PHF20L1: variants seen among roughly 807,000 people sequenced by gnomAD.
PHF20L1 encodes the protein PHD finger protein 20 like 1, also known as PHD finger protein 20-like protein 1.
In PHF20L1, 44 loss-of-function variants were observed where a neutral mutation model predicts 125.5. The ratio of observed to expected loss-of-function variants is 0.35; its 90% confidence interval spans 0.28 to 0.45. The LOEUF is 0.45. PHF20L1 is among the 20% of genes least tolerant of loss of function. PHF20L1 has a pLI of 1.00. For missense variants in PHF20L1, 1,012 were observed against 1,217.2 expected, an observed-to-expected ratio of 0.83 and a Z score of 2.51; for synonymous variants, 380 against 403.1, an observed-to-expected ratio of 0.94 and a Z score of 0.69.
Position 132,846,171 on chromosome 8 carries a change from T to A in PHF20L1, c.*248T>A. 1 of 382,154 alleles carries A rather than the reference T, an allele frequency of 2.6e-6. No individual in the cohort carries two copies. Among genetic ancestry groups the A allele is most frequent in the Non-Finnish European group, 4.8e-6 (1 of 208,552 alleles). 23.7% of individuals were successfully genotyped at this position (382,154 alleles called of 1,614,324 possible). A position where few individuals can be genotyped will look rare whatever the true frequency, so the allele number is the denominator to read the frequency against. On this transcript the variant is annotated 3_prime_UTR_variant, in exon 21 of 21. Transcript: ENST00000395386. Reference sequence around the variant, plus strand: ...TGTTATATGCCAAGGAACAATGAAGTAGAATATAATGTATACTAAGGGATT... The same window carrying A: ...TGTTATATGCCAAGGAACAATGAAGAAGAATATAATGTATACTAAGGGATT...
intron 8 of PHF20L1, chr8:132,810,159 C>T (rs1235863323): frequency 1.3e-5 from 2 of 151,802 alleles, no homozygotes; most frequent in African/African-American, 4.8e-5. Context: ...ATTCTCCTGC[C>T]TCAGCCTCCC....
intron 18 of PHF20L1, chr8:132,841,849 A>G (rs1181186090): frequency 6.6e-6 from 1 of 152,140 alleles, no homozygotes; most frequent in Non-Finnish European, 1.5e-5. Flanking sequence ...AGGTACACAA[A>G]CATATAATGG....
At chr8:132,826,220 G>C (rs984591781) in intron 14 of PHF20L1, 3 of 152,068 alleles carry the variant, frequency 2.0e-5, no homozygotes, top group African/African-American at 7.2e-5. Context: ...CAGAAAATTA[G>C]ATGAAACGCA....
chr8:132,829,804 T>C (rs1363911062), intron 14 of PHF20L1, among the ~76,000 whole-genome samples: 1 of 152,120 alleles, frequency 6.6e-6, no homozygotes, highest in East Asian at 1.9e-4. Context: ...GGCAATTTGC[T>C]TCATCTGTCT....
chr8:132,780,047 A>G (rs973282788), intron 2 of PHF20L1, among the ~76,000 whole-genome samples: 3 of 151,882 alleles, frequency 2.0e-5, no homozygotes, highest in Non-Finnish European at 4.4e-5. Flanking sequence ...GCTGATTTAT[A>G]TAAAGATTTT....
intron 15 of PHF20L1, among the ~76,000 whole-genome samples, chr8:132,832,985 T>C (rs1836939705): frequency 6.6e-6 from 1 of 152,058 alleles, no homozygotes; most frequent in African/African-American, 2.4e-5. Flanking sequence ...AGTTCAAATC[T>C]GTTAGACTTT....
chr8:132,837,890 C>G, intron 17 of PHF20L1, 79 bp downstream of exon 17: 1 of 945,084 alleles, frequency 1.1e-6, no homozygotes, highest in Non-Finnish European at 1.7e-6. Context: ...CAGCTGTGTT[C>G]ACCACCACTA....
chr8:132,790,634 A>G (rs1035288900), intron 2 of PHF20L1, among the ~76,000 whole-genome samples: 19 of 152,182 alleles, frequency 1.2e-4, no homozygotes, highest in African/African-American at 4.6e-4. Flanking sequence ...TGCTCCTCCA[A>G]TCTCTGAACA....
At position 132,779,160 on chromosome 8, in the gene PHF20L1, T is replaced by G. The variant is rs561160614; in HGVS notation, c.83+1249T>G. Among the ~76,000 whole-genome samples the G allele has an allele frequency of 2.0e-5, 3 of 152,244 alleles. No homozygotes were observed. The East Asian group carries it at 5.8e-4, about 29-fold the overall frequency. On this transcript the variant is annotated intron_variant, in intron 2 of 20. Coordinates refer to ENST00000395386, the MANE Select transcript of PHF20L1 (RefSeq NM_016018.5). The stretch of plus-strand genomic sequence containing the variant: ...GACAGTTTGAAGCTACAATTTGAGA[T>G]GGGGAGGTTAATCGATACTGTCACT...
chr8:132,844,317 T>C lies in PHF20L1; in HGVS notation c.2910T>C (p.Asp970=). The change falls in exon 20 of 21, where the codon GAT becomes GAC. Residue 970 remains aspartate, a splice_region_variant and synonymous_variant. Transcript: ENST00000395386. ...SRMDLIEKEV[D]VLESWLDFTG... ...TGGACCTAATAGAAAAAGAAGTCGA[T>C]GGTAATTTAAGAAAGAACTAAAATA... The C allele has an allele frequency of 6.2e-7, 1 of 1,601,076 alleles. No individual in the cohort carries two copies. Among genetic ancestry groups the C allele is most frequent in the South Asian group, 1.1e-5 (1 of 89,554 alleles).
In PHF20L1 at chr8:132,824,011, GA is replaced by G; in HGVS notation, c.1591del (p.Thr531GlnfsTer5). The G allele has an allele frequency of 6.3e-7, 1 of 1,591,812 alleles. No individual in the cohort carries two copies. The highest frequency in any genetic ancestry group is 8.6e-7 in the Non-Finnish European group (1 of 1,164,226). On this transcript the variant is annotated frameshift_variant, in exon 13 of 21. Transcript: ENST00000395386. LOFTEE classifies it high-confidence loss of function. ...TTTTCCCCTAACCCACAGGAATATC[GA>G]AAACAGAAAAAAAAGTGAAATTGGA... ...RGAPAAAGIS[K>X]TEKKVKLEDK...
At chr8:132,844,032 C>T (rs1205169568) in intron 19 of PHF20L1, 124 bp from the exon 20 acceptor site, 5 of 1,469,082 alleles carry the variant, frequency 3.4e-6, no homozygotes, top group Non-Finnish European at 3.6e-6. Flanking sequence ...TTTAAAGATA[C>T]CCCTGGAGTC....
intron 13 of PHF20L1, chr8:132,824,844 C>T: frequency 4.1e-6 from 1 of 241,072 alleles, no homozygotes; most frequent in Non-Finnish European, 8.1e-6. Flanking sequence ...AAAGCTTATC[C>T]AAAGCAAAAA....
At chr8:132,812,342 A>G in intron 9 of PHF20L1, 1 of 984,836 alleles carries the variant, frequency 1.0e-6, no homozygotes, top group South Asian at 4.7e-5. Context: ...TTGATTATGC[A>G]CAATCCTGCT....
intron 12 of PHF20L1, among the ~76,000 whole-genome samples, chr8:132,822,309 A>C (rs1324423735): frequency 6.6e-6 from 1 of 151,926 alleles, no homozygotes; most frequent in Middle Eastern, 3.2e-3. Flanking sequence ...CAAGTACCTA[A>C]GGGGTGCACA....
At chr8:132,797,323 A>T (rs941019461) in intron 4 of PHF20L1, among the ~76,000 whole-genome samples, 2 of 152,052 alleles carry the variant, frequency 1.3e-5, no homozygotes, top group South Asian at 2.1e-4. Flanking sequence ...GGCATTTGTA[A>T]TACAGCATAT....
At chr8:132,820,652 A>G (rs145311704) in intron 12 of PHF20L1, among the ~76,000 whole-genome samples, 21 of 152,046 alleles carry the variant, frequency 1.4e-4, no homozygotes, top group African/African-American at 4.3e-4. Flanking sequence ...TTTTTCATCT[A>G]TATGATGAGA....
intron 2 of PHF20L1, among the ~76,000 whole-genome samples, chr8:132,785,442 T>C (rs1830905655): frequency 6.6e-6 from 1 of 152,200 alleles, no homozygotes; most frequent in South Asian, 2.1e-4. Context: ...TCTTTTAAGC[T>C]GAGGGAGAAA....
chr8:132,828,765 ATCTG>A (rs1309530018), intron 14 of PHF20L1, among the ~76,000 whole-genome samples: 3 of 152,052 alleles, frequency 2.0e-5, no homozygotes, highest in Non-Finnish European at 4.4e-5. Flanking sequence ...AAATCACTTC[ATCTG>A]TCTTTCATGT....
Sources: gnomAD v4.1 joint callset for allele counts (sites outside exome capture counted in the v4.1 genomes callset) on GRCh38, gnomAD v4.1.1 for gene constraint, MANE v1.5 for transcripts, NCBI Gene and HGNC (gene_info 2026-07-23, HGNC 2026-07-21) for gene names.